Variants in IL3RA observed in about 807,000 individuals in gnomAD.
IL3RA encodes interleukin-3 receptor subunit alpha.
IL3RA carries 73 observed loss-of-function variants against 52.3 expected under a neutral mutation model. The observed-to-expected ratio is 1.40, with a 90% confidence interval of 1.16 to 1.70. The LOEUF (loss-of-function observed/expected upper bound fraction) is 1.70. Among genes scored for constraint, IL3RA ranks in the 40% most tolerant of loss-of-function variants. The pLI is 0.00. For synonymous variants in IL3RA, 260 were observed against 194.0 expected (o/e 1.34, Z -2.83); for missense variants, 664 against 504.4 (o/e 1.32, Z -3.03).
intron 10 of IL3RA, among the ~76,000 whole-genome samples, chrX:1,379,008 A>T (rs1223258272): frequency 1.3e-5 from 2 of 151,172 alleles, no homozygotes; most frequent in African/African-American, 4.9e-5. Flanking sequence ...ACACCCAGCT[A>T]ATTTTTGTAT....
intron 9 of IL3RA, among the ~76,000 whole-genome samples, chrX:1,377,928 G>C (rs1368980053): frequency 6.6e-6 from 1 of 150,464 alleles, no homozygotes; most frequent in African/African-American, 2.4e-5. Context: ...GCTGACGCCT[G>C]TAATCCCAGC....
At position 1,365,239 on chromosome X, in the gene IL3RA, C is replaced by A; in HGVS notation, c.861C>A (p.Thr287=). 1 of 1,607,912 alleles carries A rather than the reference C, an allele frequency of 6.2e-7. No homozygotes were observed. ...RVYEFLSAWS[T]PQRFECDQEE... ...ATGAATTCTTGAGCGCCTGGAGCAC[C>A]CCCCAGCGCTTCGGTGAGTGGGCTG... The change falls in exon 9 of 12, where the codon ACC becomes ACA. Residue 287 remains threonine (T), a synonymous_variant. Coordinates refer to ENST00000331035, the MANE Select transcript of IL3RA (RefSeq NM_002183.4).
At chrX:1,362,415 CTCTG>C (rs1224786346) in intron 8 of IL3RA, among the ~76,000 whole-genome samples, 45 of 149,160 alleles carry the variant, frequency 3.0e-4, no homozygotes, top group African/African-American at 1.0e-3. Flanking sequence ...TTCTTTTTCC[CTCTG>C]TCTCCCTTCT....
Position 1,366,560 on chromosome X carries a change from GGGGTGAGCC to G in IL3RA, c.874+1317_874+1325del, listed in dbSNP as rs1280502168. ...GGTGCGCGGGGTGAGCCGGGTGCGC[GGGGTGAGCC>G]GGGTGAGCGGGGTGAGCGGGGTGCG... On this transcript the variant is annotated intron_variant, in intron 9 of 11. Coordinates refer to ENST00000331035, the MANE Select transcript of IL3RA (RefSeq NM_002183.4). Among the ~76,000 whole-genome samples the G allele has an allele frequency of 7.2e-4, 31 of 42,862 alleles. 4 individuals carry two copies. The highest frequency in any genetic ancestry group is 2.3e-3 in the African/African-American group (11 of 4,760). 28.1% of individuals were successfully genotyped at this position (42,862 alleles called of 152,430 possible).
intron 2 of IL3RA, among the ~76,000 whole-genome samples, chrX:1,344,060 C>T (rs1413145133): frequency 6.6e-6 from 1 of 152,002 alleles, no homozygotes; most frequent in African/African-American, 2.4e-5. Context: ...TCCCAAAGTG[C>T]TGGGATGACG....
intron 4 of IL3RA, among the ~76,000 whole-genome samples, chrX:1,350,964 T>C (rs1212105889): frequency 1.3e-5 from 2 of 151,648 alleles, no homozygotes; most frequent in African/African-American, 4.9e-5. Flanking sequence ...CCCAGCAGTT[T>C]GGGAGGCTGA....
intron 7 of IL3RA, 35 bp downstream of exon 7, chrX:1,356,371 C>G: frequency 7.4e-7 from 1 of 1,351,046 alleles, no homozygotes; most frequent in Non-Finnish European, 1.0e-6. Context: ...CCCCCCACCC[C>G]CGTGGACATC....
chrX:1,338,804 T>C (rs1174772402), intron 1 of IL3RA, among the ~76,000 whole-genome samples: 2 of 143,088 alleles, frequency 1.4e-5, no homozygotes, highest in African/African-American at 5.2e-5. Context: ...AAGATAGAAG[T>C]GGTGGTTTTT....
chrX:1,349,370 T>C (rs760750403), intron 4 of IL3RA, among the ~76,000 whole-genome samples: 25 of 151,630 alleles, frequency 1.6e-4, no homozygotes, highest in Middle Eastern at 3.4e-3. Flanking sequence ...TTAGTAGAGA[T>C]GGGGTTTCAC....
chrX:1,361,730 G>T (rs1181103870), intron 8 of IL3RA, among the ~76,000 whole-genome samples: 1 of 147,652 alleles, frequency 6.8e-6, no homozygotes, highest in Non-Finnish European at 1.5e-5. Flanking sequence ...TCCAGCCTGG[G>T]TGACAGAGTG....
At chrX:1,348,591 C>T (rs774655443) in intron 4 of IL3RA, 46 bp downstream of exon 4, 4 of 1,354,790 alleles carry the variant, frequency 3.0e-6, no homozygotes, top group Admixed American at 1.7e-5. Context: ...TCCCTCCCTC[C>T]TTCCCTCTCT....
chrX:1,366,347 G>C (rs1188984560), intron 9 of IL3RA, among the ~76,000 whole-genome samples: 1 of 57,518 alleles, frequency 1.7e-5, no homozygotes, highest in Non-Finnish European at 3.3e-5. Flanking sequence ...GGTGAGCCGG[G>C]TGCGCGGGGT....
chrX:1,337,193 G>A (rs1157719637), intron 1 of IL3RA, among the ~76,000 whole-genome samples: 1 of 152,244 alleles, frequency 6.6e-6, no homozygotes, highest in Non-Finnish European at 1.5e-5. Flanking sequence ...GTTTATAAAG[G>A]TGATAGCATT....
chrX:1,349,603 C>T (rs1377124219), intron 4 of IL3RA, among the ~76,000 whole-genome samples: 2 of 151,708 alleles, frequency 1.3e-5, no homozygotes, highest in Middle Eastern at 3.2e-3. Flanking sequence ...TCAGCCACCA[C>T]GCCTGGCCTC....
In IL3RA at chrX:1,350,019, C is replaced by T. The variant is rs765012702; in HGVS notation, c.298+1474C>T. On this transcript the variant is annotated intron_variant, in intron 4 of 11. Coordinates refer to ENST00000331035, the MANE Select transcript of IL3RA (RefSeq NM_002183.4). ...ATGCCGAGTCGGAAAAAAAAGACCA[C>T]TCCAGAGCGTGACACACACAGTGAT... Among the ~76,000 whole-genome samples the T allele has an allele frequency of 2.5e-3, 378 of 152,248 alleles. 1 individual carries two copies. Among genetic ancestry groups the T allele is most frequent in the African/African-American group, 8.7e-3 (363 of 41,548 alleles).
chrX:1,347,259 C>G (rs1225894759), intron 3 of IL3RA, among the ~76,000 whole-genome samples: 5 of 148,428 alleles, frequency 3.4e-5, no homozygotes, highest in African/African-American at 5.1e-5. Flanking sequence ...TCCTGGCTAA[C>G]ACGGTGAAAC....
intron 11 of IL3RA, 32 bp from the exon 12 acceptor site, chrX:1,382,359 C>T (rs771199231): frequency 1.3e-6 from 2 of 1,588,654 alleles, no homozygotes; most frequent in East Asian, 4.5e-5. Flanking sequence ...TGGGGGGTGG[C>T]CGACTCACCC....
Position 1,365,118 on chromosome X carries a change from T to G in IL3RA, c.760-20T>G. 1.3e-6 allele frequency: 2 copies of G among 1,582,106 alleles called. No individual in the cohort carries two copies. The highest frequency in any genetic ancestry group is 1.7e-6 in the Non-Finnish European group (2 of 1,153,736). ...GCCACCATACCTGGCCCCTCTTCTTTATTTTCTTTCAAACCACAGGTCAGA... is the reference window on the plus strand; with the variant it reads ...GCCACCATACCTGGCCCCTCTTCTTGATTTTCTTTCAAACCACAGGTCAGA... On this transcript the variant is annotated intron_variant, in intron 8 of 11. Transcript: ENST00000331035.
intron 8 of IL3RA, among the ~76,000 whole-genome samples, chrX:1,362,929 C>T (rs2087576745): frequency 3.3e-5 from 5 of 152,026 alleles, no homozygotes. Flanking sequence ...GTGCACACCA[C>T]CACGCCTGGC....
Sources: allele counts gnomAD v4.1 joint callset (sites outside exome capture counted in the v4.1 genomes callset), GRCh38; gene constraint gnomAD v4.1.1; transcripts MANE v1.5; gene names NCBI Gene and HGNC (gene_info 2026-07-23, HGNC 2026-07-21).